The following IQGAP1 variants were observed in gnomAD, a reference collection of about 807,000 sequenced individuals.
IQGAP1 encodes the protein IQ motif containing GTPase activating protein 1.
Under a neutral mutation model 215.6 loss-of-function variants are expected in IQGAP1, and 66 were observed. That is an observed-to-expected ratio of 0.31 (90% CI 0.25 to 0.38). IQGAP1 has a LOEUF of 0.38. IQGAP1 is among the 10% of genes least tolerant of loss of function. IQGAP1 has a pLI of 1.00. For synonymous variants in IQGAP1, 772 were observed against 728.7 expected (o/e 1.06, Z -0.96); for missense variants, 1,712 against 1,997.1 (o/e 0.86, Z 2.72).
At chr15:90,405,509 C>T (rs1000816139) in intron 2 of IQGAP1, among the ~76,000 whole-genome samples, 42 of 152,136 alleles carry the variant, frequency 2.8e-4, no homozygotes, top group Non-Finnish European at 5.3e-4. Flanking sequence ...GTTTGAAAAA[C>T]TGTGTGGCTG....
chr15:90,429,835 C>T, intron 4 of IQGAP1, 169 bp downstream of exon 4: 6 of 480,118 alleles, frequency 1.2e-5, no homozygotes, highest in East Asian at 3.4e-5. Flanking sequence ...TGTTCTTTTT[C>T]TTTTATAATC....
Position 90,454,547 on chromosome 15 carries a change from A to T in IQGAP1, c.1607A>T (p.His536Leu). The change falls in exon 14 of 38, where the codon CAT becomes CTT. Residue 536 changes from histidine (H) to leucine (L), a missense_variant. His to Leu is a moderately conservative substitution (Grantham distance 99, BLOSUM62 -3). Transcript: ENST00000268182. Reference protein sequence around the residue: ...DHVNLVVQEEHERILAIGLIN... With the variant: ...DHVNLVVQEELERILAIGLIN... The stretch of plus-strand genomic sequence containing the variant: ...GTGAACCTGGTGGTGCAAGAGGAAC[A>T]TGAGAGTGAGTTATCTTCCTGTCCT... 6.4e-7 allele frequency: 1 copy of T among 1,568,368 alleles called. No homozygotes were observed. Among genetic ancestry groups the T allele is most frequent in the Non-Finnish European group, 8.6e-7 (1 of 1,159,268 alleles).
In IQGAP1 at chr15:90,476,659, A is replaced by G. The variant is rs199811461; in HGVS notation, c.2785-4A>G. On this transcript the variant is annotated splice_region_variant and splice_polypyrimidine_tract_variant and intron_variant, in intron 23 of 37. Transcript: ENST00000268182. ...CTGATCTATTTATTGGTTTTTGTTT[A>G]TAGGATGTGGTTTCCCACAGTAAAA... 2.5e-4 allele frequency: 384 copies of G among 1,567,198 alleles called. No individual in the cohort carries two copies. The African/African-American group carries it at 4.8e-3, about 20-fold the overall frequency.
At chr15:90,425,924 A>G (rs1965214711) in intron 2 of IQGAP1, among the ~76,000 whole-genome samples, 186 bp from the exon 3 acceptor site, 1 of 152,196 alleles carries the variant, frequency 6.6e-6, no homozygotes, top group Admixed American at 6.5e-5. Context: ...GAATTTTCCT[A>G]AGTTCCCCGC....
At chr15:90,480,724 A>C (rs1271847265) in intron 26 of IQGAP1, among the ~76,000 whole-genome samples, 1 of 152,162 alleles carries the variant, frequency 6.6e-6, no homozygotes, top group African/African-American at 2.4e-5. Flanking sequence ...GCTGGAGTGC[A>C]ATGGTGTAAT....
intron 18 of IQGAP1, among the ~76,000 whole-genome samples, chr15:90,472,025 G>C (rs1596283642): frequency 6.6e-6 from 1 of 152,292 alleles, no homozygotes; most frequent in Non-Finnish European, 1.5e-5. Context: ...ACTCTAATCT[G>C]TCAGCTGCTT....
chr15:90,406,003 T>G (rs2151005052), intron 2 of IQGAP1, among the ~76,000 whole-genome samples: 1 of 152,270 alleles, frequency 6.6e-6, no homozygotes, highest in South Asian at 2.1e-4. Flanking sequence ...TTGTACTAAT[T>G]GGATAGGTAT....
At chr15:90,451,084 G>A (rs1005229795) in intron 11 of IQGAP1, among the ~76,000 whole-genome samples, 1 of 151,952 alleles carries the variant, frequency 6.6e-6, no homozygotes, top group African/African-American at 2.4e-5. Context: ...TCTTCCAGTC[G>A]CTTCATAGTT....
intron 30 of IQGAP1, among the ~76,000 whole-genome samples, chr15:90,485,472 C>G (rs1001721082): frequency 1.3e-5 from 2 of 152,042 alleles, no homozygotes; most frequent in Non-Finnish European, 2.9e-5. Context: ...TGGAGTCTTG[C>G]TCTGTCACTC....
At chr15:90,492,810 C>G (rs1966224521) in intron 35 of IQGAP1, 99 bp downstream of exon 35, 2 of 904,346 alleles carry the variant, frequency 2.2e-6, no homozygotes, top group Non-Finnish European at 3.3e-6. Context: ...TTAAAATACA[C>G]TGGATCTATT....
At chr15:90,461,983 C>CA (rs1365772796) in intron 15 of IQGAP1, among the ~76,000 whole-genome samples, 1,109 of 85,696 alleles carry the variant, frequency 0.013, 14 homozygotes, top group African/African-American at 0.046. Context: ...ACTAAAAACA[C>CA]AAAAAAAAAA....
chr15:90,400,981 A>G (rs889832123), intron 2 of IQGAP1, among the ~76,000 whole-genome samples: 9 of 152,170 alleles, frequency 5.9e-5, no homozygotes, highest in Non-Finnish European at 1.2e-4. Context: ...CCCCTTGACA[A>G]GAAGTATTTG....
At chr15:90,390,741 C>A in intron 1 of IQGAP1, 33 bp from the exon 2 acceptor site, 1 of 1,392,958 alleles carries the variant, frequency 7.2e-7, no homozygotes, top group South Asian at 1.2e-5. Flanking sequence ...GGCTACAGAT[C>A]CTGGTGTTTA....
At chr15:90,453,081 C>G (rs1278780871) in intron 12 of IQGAP1, 51 bp from the exon 13 acceptor site, 6 of 1,568,074 alleles carry the variant, frequency 3.8e-6, no homozygotes, top group Non-Finnish European at 5.2e-6. Flanking sequence ...CTCCCTGGGT[C>G]TTGGAGAATG....
At chr15:90,499,099 A>G (rs568658038) in intron 37 of IQGAP1, among the ~76,000 whole-genome samples, 1 of 152,148 alleles carries the variant, frequency 6.6e-6, no homozygotes, top group African/African-American at 2.4e-5. Flanking sequence ...GACAGGCGTG[A>G]GCCACCACAC....
chr15:90,422,665 T>C (rs955116718), intron 2 of IQGAP1, among the ~76,000 whole-genome samples: 14 of 123,060 alleles, frequency 1.1e-4, no homozygotes, highest in African/African-American at 4.3e-4. Context: ...TATATGTATA[T>C]ATATATATAT....
intron 22 of IQGAP1, 140 bp from the exon 23 acceptor site, chr15:90,474,345 G>A (rs769233704): frequency 8.8e-6 from 7 of 795,636 alleles, no homozygotes; most frequent in African/African-American, 1.7e-5. Context: ...GCCTGACACA[G>A]AAGACTGCAC....
chr15:90,454,590 A>G (rs1965653189), intron 14 of IQGAP1, 38 bp downstream of exon 14: 5 of 1,504,410 alleles, frequency 3.3e-6, no homozygotes, highest in Non-Finnish European at 4.4e-6. Context: ...TAATGTCACC[A>G]TTAATGATGA....
chr15:90,473,649 GT>G, intron 19 of IQGAP1, 65 bp from the exon 20 acceptor site: 265 of 1,192,102 alleles, frequency 2.2e-4, no homozygotes, highest in Non-Finnish European at 2.6e-4. Context: ...CAAGATGAAA[GT>G]TTTTTTTTAA....
Sources: gnomAD v4.1 joint callset for allele counts (sites outside exome capture counted in the v4.1 genomes callset) on GRCh38, gnomAD v4.1.1 for gene constraint, MANE v1.5 for transcripts, NCBI Gene and HGNC (gene_info 2026-07-23, HGNC 2026-07-21) for gene names.